The following PTPN14 variants were observed in gnomAD, a reference collection of about 807,000 sequenced individuals.
PTPN14 encodes tyrosine-protein phosphatase non-receptor type 14.
In PTPN14, 53 loss-of-function variants were observed where a neutral mutation model predicts 126.8. That is an observed-to-expected ratio of 0.42 (90% CI 0.34 to 0.53). The LOEUF (loss-of-function observed/expected upper bound fraction) is 0.53, where lower values mean the gene tolerates loss of function less well. Ranked by LOEUF, PTPN14 falls within the 20% of genes least tolerant of loss-of-function variation. The probability of loss-of-function intolerance (pLI) is 0.08; values close to 1 mark genes in which losing one functional copy is unlikely to be tolerated. For missense variants in PTPN14, 1,257 were observed against 1,552.9 expected (o/e 0.81, Z 3.20); for synonymous variants, 630 against 599.3 (o/e 1.05, Z -0.75).
chr1:214,434,711 T>G (rs947178534), intron 3 of PTPN14, among the ~76,000 whole-genome samples: 1 of 152,068 alleles, frequency 6.6e-6, no homozygotes, highest in African/African-American at 2.4e-5. Flanking sequence ...TCGCCCTGGA[T>G]GAAGTGTTGA....
chr1:214,520,569 G>C (rs972171142), intron 1 of PTPN14, among the ~76,000 whole-genome samples: 6 of 152,162 alleles, frequency 3.9e-5, no homozygotes, highest in African/African-American at 7.2e-5. Context: ...GGAACAGAAA[G>C]GGGCTCATTA....
chr1:214,426,889 G>T (rs924509414), intron 3 of PTPN14, among the ~76,000 whole-genome samples: 1 of 152,094 alleles, frequency 6.6e-6, no homozygotes, highest in Admixed American at 6.6e-5. Context: ...ATTCAAAGGA[G>T]AGCACTCTCC....
rs183418395 is a variant in PTPN14, at chr1:214,437,409, T to C, written c.344+14396A>G. ...GTATAATTCAGGCCAGTTTTTATTA[T>C]TCTTATAGGAATAATAAATTTAATA... On this transcript the variant is annotated intron_variant, in intron 3 of 18. Coordinates refer to ENST00000366956, the MANE Select transcript of PTPN14 (RefSeq NM_005401.5). Among the ~76,000 whole-genome samples the C allele has an allele frequency of 4.9e-3, 750 of 152,240 alleles. 1 individual carries two copies. The highest frequency in any genetic ancestry group is 7.1e-3 in the Non-Finnish European group (483 of 68,002).
At chr1:214,490,975 A>C (rs1437697093) in intron 1 of PTPN14, among the ~76,000 whole-genome samples, 6 of 122,016 alleles carry the variant, frequency 4.9e-5, no homozygotes, top group Non-Finnish European at 1.1e-4. Flanking sequence ...GAAGGGAAGG[A>C]AAGGAAGGAA....
chr1:214,378,212 C>A (rs1397888640), intron 13 of PTPN14, 110 bp from the exon 14 acceptor site: 1 of 1,362,866 alleles, frequency 7.3e-7, no homozygotes, highest in Admixed American at 2.4e-5. Flanking sequence ...TGCAGACAAT[C>A]ACCATCAGTA....
At chr1:214,424,620 C>T (rs980142479) in intron 3 of PTPN14, among the ~76,000 whole-genome samples, 10 of 152,050 alleles carry the variant, frequency 6.6e-5, no homozygotes, top group South Asian at 2.1e-4. Context: ...CTCCATCTCC[C>T]GGGTTCAAGT....
chr1:214,369,996 G>T (rs1370150180), intron 16 of PTPN14, among the ~76,000 whole-genome samples: 2 of 152,190 alleles, frequency 1.3e-5, no homozygotes, highest in African/African-American at 2.4e-5. Context: ...AGAAACAAAG[G>T]TCAGCCGGGC....
chr1:214,505,931 C>A (rs1654831970), intron 1 of PTPN14, among the ~76,000 whole-genome samples: 1 of 151,982 alleles, frequency 6.6e-6, no homozygotes, highest in Non-Finnish European at 1.5e-5. Flanking sequence ...GAAAATATTC[C>A]AACTCAGAGC....
chr1:214,507,813 C>T (rs553944408), intron 1 of PTPN14, among the ~76,000 whole-genome samples: 2 of 152,248 alleles, frequency 1.3e-5, no homozygotes, highest in African/African-American at 4.8e-5. Context: ...GCAAAAGCAT[C>T]ATGTCTAAAA....
chr1:214,457,599 G>GC (rs1385598800), intron 2 of PTPN14, among the ~76,000 whole-genome samples: 1 of 152,094 alleles, frequency 6.6e-6, no homozygotes, highest in Non-Finnish European at 1.5e-5. Flanking sequence ...ACCATTAAAT[G>GC]CCCCCTTTGC....
chr1:214,534,964 C>T (rs1027403484), intron 1 of PTPN14, among the ~76,000 whole-genome samples: 1 of 152,082 alleles, frequency 6.6e-6, no homozygotes, highest in African/African-American at 2.4e-5. Context: ...CTTCTCATTA[C>T]ACTACCACTC....
intron 3 of PTPN14, among the ~76,000 whole-genome samples, chr1:214,427,418 A>C (rs186451712): frequency 6.6e-6 from 1 of 152,188 alleles, no homozygotes; most frequent in Admixed American, 6.5e-5. Context: ...AATTAGTATA[A>C]TGATTTCTTA....
At chr1:214,537,572 T>C (rs1411502828) in intron 1 of PTPN14, among the ~76,000 whole-genome samples, 1 of 152,168 alleles carries the variant, frequency 6.6e-6, no homozygotes. Flanking sequence ...AGAAAGATAA[T>C]CCACTGGACA....
In PTPN14 at chr1:214,350,012, C is replaced by G. The variant is rs1320284379; in HGVS notation, c.*7910G>C. 1 of 152,190 alleles carries G rather than the reference C, an allele frequency of 6.6e-6. No individual in the cohort carries two copies. Among genetic ancestry groups the G allele is most frequent in the Non-Finnish European group, 1.5e-5 (1 of 68,022 alleles). The allele number at this position is 152,190 out of a possible 1,614,324, so 9.4% of individuals were successfully genotyped here. A position where few individuals can be genotyped will look rare whatever the true frequency, so the allele number is the denominator to read the frequency against. ...TTTTAGCAAAAGGCTCCGCCCCAAG[C>G]CACAAAAAGATCCCAATCCAATCTT... On this transcript the variant is annotated 3_prime_UTR_variant, in exon 19 of 19. Transcript: ENST00000366956.
Position 214,514,171 on chromosome 1 carries a change from CG to C in PTPN14, c.-155+37011del, listed in dbSNP as rs377319803. ...TCCCAGGCTACAAATTCCAGAGCAG[CG>C]GGCAGAGTCAACATATAACCTCAGG... On this transcript the variant is annotated intron_variant, in intron 1 of 18. Transcript: ENST00000366956. 6.6e-3 allele frequency among the ~76,000 whole-genome samples: 1,003 copies of C among 152,136 alleles called. 5 individuals are homozygous for C. Among genetic ancestry groups the C allele is most frequent in the Non-Finnish European group, 0.011 (732 of 68,010 alleles).
At chr1:214,547,638 C>G (rs114444298) in intron 1 of PTPN14, among the ~76,000 whole-genome samples, 31 of 152,316 alleles carry the variant, frequency 2.0e-4, no homozygotes, top group African/African-American at 6.5e-4. Flanking sequence ...AGCTTTTGTA[C>G]TCTAGTTAAA....
intron 1 of PTPN14, among the ~76,000 whole-genome samples, chr1:214,495,045 T>A (rs1206541387): frequency 6.6e-6 from 1 of 152,152 alleles, no homozygotes; most frequent in Admixed American, 6.5e-5. Flanking sequence ...AGATGTATTT[T>A]CTCCTCTCTC....
chr1:214,506,060 G>A (rs1384744859), intron 1 of PTPN14, among the ~76,000 whole-genome samples: 1 of 152,172 alleles, frequency 6.6e-6, no homozygotes, highest in Non-Finnish European at 1.5e-5. Context: ...GCAGCAGTGA[G>A]ATTACTATGA....
intron 1 of PTPN14, among the ~76,000 whole-genome samples, chr1:214,507,995 G>GA (rs993373745): frequency 5.7e-4 from 83 of 145,212 alleles, no homozygotes; most frequent in Middle Eastern, 3.6e-3. Flanking sequence ...CTATCTCTAA[G>GA]AAAAAAAAAA....
Sources: allele counts gnomAD v4.1 joint callset (sites outside exome capture counted in the v4.1 genomes callset), GRCh38; gene constraint gnomAD v4.1.1; transcripts MANE v1.5; gene names NCBI Gene and HGNC (gene_info 2026-07-23, HGNC 2026-07-21).